Variants in MTA3 observed in about 807,000 individuals in gnomAD.
MTA3 encodes metastasis associated 1 family member 3, also known as metastasis-associated protein MTA3.
A neutral mutation model predicts 83.5 loss-of-function variants in MTA3; 34 were observed. The ratio of observed to expected loss-of-function variants is 0.41; its 90% CI spans 0.31 to 0.54. The LOEUF is 0.54. Ranked by LOEUF, MTA3 falls within the 20% of genes least tolerant of loss-of-function variation. The probability of loss-of-function intolerance (pLI) is 0.33; values close to 1 mark genes in which losing one functional copy is unlikely to be tolerated. For missense variants in MTA3, 761 were observed against 726.4 expected (o/e 1.05, Z -0.55); for synonymous variants, 303 against 252.7 (o/e 1.20, Z -1.89).
chr2:42,625,691 G>C (rs1408617804), intron 4 of MTA3, among the ~76,000 whole-genome samples: 1 of 137,796 alleles, frequency 7.3e-6, no homozygotes, highest in African/African-American at 2.8e-5. Context: ...AGGTTGCAGT[G>C]AACCGAGATC....
chr2:42,696,710 G>C (rs893067368), intron 10 of MTA3, among the ~76,000 whole-genome samples: 2 of 152,086 alleles, frequency 1.3e-5, no homozygotes, highest in African/African-American at 4.8e-5. Context: ...TTCATGTCCA[G>C]CCTGGGCAAC....
At chr2:42,725,011 C>A (rs1667713119) in intron 16 of MTA3, among the ~76,000 whole-genome samples, 1 of 152,248 alleles carries the variant, frequency 6.6e-6, no homozygotes, top group Non-Finnish European at 1.5e-5. Flanking sequence ...AGAGACTTAG[C>A]TGCTGAAACA....
chr2:42,611,716 T>C (rs1050857346), intron 4 of MTA3, among the ~76,000 whole-genome samples: 9 of 151,966 alleles, frequency 5.9e-5, no homozygotes, highest in African/African-American at 2.2e-4. Context: ...ATTGGGGGGC[T>C]GAGGTGGGAG....
chr2:42,577,006 ATCGCT>A (rs1679110402), intron 2 of MTA3, among the ~76,000 whole-genome samples: 2 of 150,212 alleles, frequency 1.3e-5, no homozygotes, highest in South Asian at 4.2e-4. Flanking sequence ...AGGCAGGAGG[ATCGCT>A]TGAACCAGGG....
chr2:42,695,076 C>T (rs1191836180), intron 9 of MTA3, among the ~76,000 whole-genome samples: 1 of 152,140 alleles, frequency 6.6e-6, no homozygotes, highest in Non-Finnish European at 1.5e-5. Flanking sequence ...GTTGAGACTG[C>T]AGTGAGCTGT....
At chr2:42,649,223 C>T (rs893610889) in intron 6 of MTA3, among the ~76,000 whole-genome samples, 3 of 152,036 alleles carry the variant, frequency 2.0e-5, no homozygotes, top group African/African-American at 7.2e-5. Flanking sequence ...CGGTGAAACC[C>T]CATCTCTACT....
rs143343623 is a variant in MTA3, at chr2:42,509,655, C to T, written c.-141+14401C>T. 1.4e-3 allele frequency among the ~76,000 whole-genome samples: 208 copies of T among 152,012 alleles called. 2 individuals are homozygous for T. Among genetic ancestry groups the T allele is most frequent in the African/African-American group, 4.7e-3 (195 of 41,466 alleles). ...GCGTGGTGGCATGAGCCTGTAATCCCGGCTACTTGGGAGGCTGAGGTGGGA... is the reference window on the plus strand; with the variant it reads ...GCGTGGTGGCATGAGCCTGTAATCCTGGCTACTTGGGAGGCTGAGGTGGGA... On this transcript the variant is annotated intron_variant, in intron 2 of 17. Coordinates refer to the MTA3 transcript ENST00000405592.
At chr2:42,627,699 G>T (rs1056202954) in intron 4 of MTA3, among the ~76,000 whole-genome samples, 1 of 151,122 alleles carries the variant, frequency 6.6e-6, no homozygotes, top group Non-Finnish European at 1.5e-5. Flanking sequence ...AAGTAGCTGG[G>T]AGTATGTGCC....
Position 42,697,797 on chromosome 2 carries a change from G to A in MTA3, c.988G>A (p.Ala330Thr). The A allele has an allele frequency of 6.5e-7, 1 of 1,544,610 alleles. No homozygotes were observed. Among genetic ancestry groups the A allele is most frequent in the Non-Finnish European group, 8.7e-7 (1 of 1,147,066 alleles). ...TTAGAAACGTCTAAAAGCAGCAGAA[G>A]CTGAGAGTAAACTGAAACAAGTATA... ...VQQKRLKAAEAESKLKQVYIP... is the reference protein window; with the variant it reads ...VQQKRLKAAETESKLKQVYIP... Residue 330 changes from alanine (A) to threonine (T), a missense_variant, in exon 11 of 17, where the codon GCT becomes ACT. Transcript: ENST00000405094.
At chr2:42,536,782 C>T (rs1307918785) in intron 2 of MTA3, among the ~76,000 whole-genome samples, 1 of 147,014 alleles carries the variant, frequency 6.8e-6, no homozygotes, top group Non-Finnish European at 1.5e-5. Context: ...TGGCGTGAAC[C>T]CGGGAGGCAG....
At chr2:42,725,604 A>G (rs892190977) in intron 16 of MTA3, among the ~76,000 whole-genome samples, 5 of 152,236 alleles carry the variant, frequency 3.3e-5, no homozygotes, top group East Asian at 3.8e-4. Context: ...ATCACAACCC[A>G]GAAGCTCAAG....
intron 9 of MTA3, among the ~76,000 whole-genome samples, chr2:42,684,303 C>T (rs1259403183): frequency 6.6e-6 from 1 of 152,140 alleles, no homozygotes; most frequent in African/African-American, 2.4e-5. Flanking sequence ...AGCCAATAGC[C>T]TGCCTTTTAT....
At chr2:42,622,027 TC>T (rs1346993608) in intron 4 of MTA3, among the ~76,000 whole-genome samples, 1 of 152,158 alleles carries the variant, frequency 6.6e-6, no homozygotes, top group Non-Finnish European at 1.5e-5. Context: ...GGCTGCAGTC[TC>T]GGCACTTTGG....
At chr2:42,645,772 T>C (rs1410829258) in intron 6 of MTA3, among the ~76,000 whole-genome samples, 1 of 152,086 alleles carries the variant, frequency 6.6e-6, no homozygotes, top group African/African-American at 2.4e-5. Context: ...AAGGAAAAAA[T>C]TCTTCATCAT....
At chr2:42,649,064 C>G (rs920415177) in intron 6 of MTA3, among the ~76,000 whole-genome samples, 6 of 152,124 alleles carry the variant, frequency 3.9e-5, no homozygotes, top group Non-Finnish European at 8.8e-5. Flanking sequence ...CCAGCTGTTA[C>G]AGTCTTCTCC....
chr2:42,515,730 C>A (rs141489250), intron 2 of MTA3, among the ~76,000 whole-genome samples: 1 of 151,602 alleles, frequency 6.6e-6, no homozygotes, highest in South Asian at 2.1e-4. Context: ...CTCGAACTCC[C>A]GACCTCGTGA....
At chr2:42,722,415 C>T (rs575631569) in intron 15 of MTA3, among the ~76,000 whole-genome samples, 1 of 152,160 alleles carries the variant, frequency 6.6e-6, no homozygotes, top group East Asian at 1.9e-4. Flanking sequence ...GATCCTGGTC[C>T]CATACTCTGT....
intron 3 of MTA3, among the ~76,000 whole-genome samples, chr2:42,592,195 G>C (rs1229236580): frequency 6.6e-6 from 1 of 152,162 alleles, no homozygotes; most frequent in Non-Finnish European, 1.5e-5. Context: ...CCAGTAGGCA[G>C]AGGTTGCAGT....
chr2:42,527,046 C>CT (rs1558415355), intron 2 of MTA3, among the ~76,000 whole-genome samples: 1 of 101,982 alleles, frequency 9.8e-6, no homozygotes, highest in African/African-American at 4.3e-5. Flanking sequence ...AAGCAAGACT[C>CT]TGTCTCAAAA....
Sources: allele counts gnomAD v4.1 joint callset (sites outside exome capture counted in the v4.1 genomes callset), GRCh38; gene constraint gnomAD v4.1.1; transcripts MANE v1.5; gene names NCBI Gene and HGNC (gene_info 2026-07-23, HGNC 2026-07-21).